The following OTOR variants were observed in gnomAD, a reference collection of about 807,000 sequenced individuals.
OTOR encodes otoraplin.
OTOR carries 20 observed loss-of-function variants against 15.9 expected under a neutral mutation model. That is an observed-to-expected ratio of 1.26 (90% confidence interval 0.89 to 1.83). OTOR has a LOEUF of 1.83. Among genes scored for constraint, OTOR ranks in the 40% most tolerant of loss-of-function variants. The probability of loss-of-function intolerance (pLI) is 0.00; values close to 1 mark genes in which losing one functional copy is unlikely to be tolerated. For synonymous variants in OTOR, 53 were observed against 54.2 expected (o/e 0.98, Z 0.09); for missense variants, 184 against 159.0 (o/e 1.16, Z -0.85).
Position 16,750,016 on chromosome 20 carries a change from C to A in OTOR, c.363+6C>A. Reference sequence around the variant, plus strand: ...CCAAGGAAGTTCCCACCACGGTAAGCATCTCAAAAGTGACTAGACAAGGAC... The same window carrying A: ...CCAAGGAAGTTCCCACCACGGTAAGAATCTCAAAAGTGACTAGACAAGGAC... On this transcript the variant is annotated splice_donor_region_variant and intron_variant, in intron 3 of 3. Transcript: ENST00000246081. The A allele has an allele frequency of 6.3e-7, 1 of 1,584,868 alleles. No homozygotes were observed. The highest frequency in any genetic ancestry group is 8.7e-7 in the Non-Finnish European group (1 of 1,154,040).
At chr20:16,749,856 C>A in intron 2 of OTOR, 47 bp from the exon 3 acceptor site, 1 of 1,263,306 alleles carries the variant, frequency 7.9e-7, no homozygotes, top group Non-Finnish European at 1.2e-6. Context: ...TCTCAGAAGA[C>A]ACTCAGCATC....
chr20:16,750,527 C>T (rs1413417451), intron 3 of OTOR, among the ~76,000 whole-genome samples: 1 of 151,810 alleles, frequency 6.6e-6, no homozygotes, highest in Non-Finnish European at 1.5e-5. Flanking sequence ...GTCTATGTAA[C>T]AAATAAAGAA....
In OTOR at chr20:16,751,547, C is replaced by G. The variant is rs985819636; in HGVS notation, c.*429C>G. On this transcript the variant is annotated 3_prime_UTR_variant, in exon 4 of 4. Coordinates refer to ENST00000246081, the MANE Select transcript of OTOR (RefSeq NM_020157.4). ...CATGATGTTTTCTACTCATTTGTCTCTCTGGCCAATTGAATTATTAATAAA... is the reference window on the plus strand; with the variant it reads ...CATGATGTTTTCTACTCATTTGTCTGTCTGGCCAATTGAATTATTAATAAA... 10 of 157,206 alleles carry G rather than the reference C, an allele frequency of 6.4e-5. No homozygotes were observed. The highest frequency in any genetic ancestry group is 1.3e-4 in the Non-Finnish European group (9 of 71,640). 9.7% of individuals were successfully genotyped at this position (157,206 alleles called of 1,614,324 possible).
At chr20:16,750,048 C>G (rs541665294) in intron 3 of OTOR, 38 bp downstream of exon 3, 90 of 1,361,376 alleles carry the variant, frequency 6.6e-5, no homozygotes, top group Non-Finnish European at 8.9e-5. Flanking sequence ...GGACTCAGAT[C>G]TTGGGGCAAT....
chr20:16,752,061 A>G lies in OTOR; in HGVS notation c.*943A>G, dbSNP rs2072531832. On this transcript the variant is annotated 3_prime_UTR_variant, in exon 4 of 4. Coordinates refer to ENST00000246081, the MANE Select transcript of OTOR (RefSeq NM_020157.4). ...TGGGCCCACAAGTTTTTCTATATTT[A>G]ACTGGAAATATGCTTTGATTTTGTG... is the stretch of plus-strand genomic sequence containing the variant. The G allele has an allele frequency of 6.6e-6, 1 of 152,188 alleles. No homozygotes were observed. The highest frequency in any genetic ancestry group is 2.4e-5 in the African/African-American group (1 of 41,456). The allele number at this position is 152,188 out of a possible 1,614,324, so 9.4% of individuals were successfully genotyped here. A position where few individuals can be genotyped will look rare whatever the true frequency, so the allele number is the denominator to read the frequency against.
chr20:16,749,142 G>T, intron 2 of OTOR, 136 bp downstream of exon 2: 2 of 502,462 alleles, frequency 4.0e-6, no homozygotes, highest in Non-Finnish European at 6.5e-6. Flanking sequence ...CAAAAATTCA[G>T]GTATATTTGC....
Position 16,748,366 on chromosome 20 carries a change from CCAGT to C in OTOR, c.-32_-29del, listed in dbSNP as rs765924867. On this transcript the variant is annotated 5_prime_UTR_variant, in exon 1 of 4. Coordinates refer to ENST00000246081, the MANE Select transcript of OTOR (RefSeq NM_020157.4). ...GAACCACTGAAGTCAGTCCCCGCTT[CCAGT>C]CAGAGTTCAAGTTAAAACAGAAAAA... The C allele has an allele frequency of 5.0e-6, 7 of 1,387,828 alleles. No individual in the cohort carries two copies. Among genetic ancestry groups the C allele is most frequent in the Non-Finnish European group, 7.2e-6 (7 of 974,022 alleles). 86.0% of individuals were successfully genotyped at this position (1,387,828 alleles called of 1,614,324 possible).
In OTOR at chr20:16,751,213, C is replaced by T. The variant is rs188955646; in HGVS notation, c.*95C>T. 20 of 856,010 alleles carry T rather than the reference C, an allele frequency of 2.3e-5. No homozygotes were observed. Among genetic ancestry groups the T allele is most frequent in the Non-Finnish European group, 2.9e-5 (16 of 551,598 alleles). 53.0% of individuals were successfully genotyped at this position (856,010 alleles called of 1,614,324 possible). A position where few individuals can be genotyped will look rare whatever the true frequency, so the allele number is the denominator to read the frequency against. On this transcript the variant is annotated 3_prime_UTR_variant, in exon 4 of 4. Coordinates refer to ENST00000246081, the MANE Select transcript of OTOR (RefSeq NM_020157.4). ...ATGCATGTCTGTAATTTTGGACTGA[C>T]GTTTTAAGAATTTGTTACCTTACAG...
chr20:16,749,222 T>TA lies in OTOR; in HGVS notation c.255+223dup, dbSNP rs201060482. ...AATGTAGGTTAATGTGATATTTTGG[T>TA]AAAAAAAGAGTCAAATACATGGGGG... On this transcript the variant is annotated intron_variant, in intron 2 of 3. Coordinates refer to ENST00000246081, the MANE Select transcript of OTOR (RefSeq NM_020157.4). 1,371 of 379,136 alleles carry TA rather than the reference T, an allele frequency of 3.6e-3. 23 individuals carry two copies. The highest frequency in any genetic ancestry group is 0.031 in the Admixed American group (689 of 22,224). 23.5% of individuals were successfully genotyped at this position (379,136 alleles called of 1,614,324 possible).
At chr20:16,750,328 A>T (rs1333295089) in intron 3 of OTOR, among the ~76,000 whole-genome samples, 1 of 152,172 alleles carries the variant, frequency 6.6e-6, no homozygotes, top group African/African-American at 2.4e-5. Context: ...TGCATACATT[A>T]TGTTTTGATA....
At chr20:16,750,850 A>G (rs765443526) in intron 3 of OTOR, among the ~76,000 whole-genome samples, 12 of 152,232 alleles carry the variant, frequency 7.9e-5, no homozygotes, top group East Asian at 1.9e-4. Context: ...CTCACTTGTC[A>G]TCACTTCTTA....
At chr20:16,748,845 A>G (rs756716340) in intron 1 of OTOR, 22 bp from the exon 2 acceptor site, 7 of 1,546,966 alleles carry the variant, frequency 4.5e-6, no homozygotes, top group South Asian at 3.7e-5. Context: ...AAATGTAATC[A>G]TTTAAATTTT....
chr20:16,750,162 A>C lies in OTOR; in HGVS notation c.363+152A>C, dbSNP rs114253624. ...CTGAGATAATGAGGTTTGGGGGACC[A>C]TTTATAACTACTGTCAAAGTTGAAA... On this transcript the variant is annotated intron_variant, in intron 3 of 3. Transcript: ENST00000246081. 4.1e-4 allele frequency: 220 copies of C among 531,072 alleles called. 1 individual carries two copies. The highest frequency in any genetic ancestry group is 3.9e-3 in the African/African-American group (202 of 51,696). 32.9% of individuals were successfully genotyped at this position (531,072 alleles called of 1,614,324 possible).
chr20:16,750,964 T>TG, intron 3 of OTOR, 131 bp from the exon 4 acceptor site: 1 of 688,152 alleles, frequency 1.5e-6, no homozygotes, highest in East Asian at 3.0e-5. Flanking sequence ...TCATATTTTT[T>TG]GGGGGTCAAC....
At chr20:16,750,865 T>C (rs1348455741) in intron 3 of OTOR, among the ~76,000 whole-genome samples, 1 of 152,240 alleles carries the variant, frequency 6.6e-6, no homozygotes, top group Non-Finnish European at 1.5e-5. Flanking sequence ...TTCTTAGCAT[T>C]ATGCTGAAAT....
chr20:16,748,805 C>G, intron 1 of OTOR, 62 bp from the exon 2 acceptor site: 5 of 1,274,618 alleles, frequency 3.9e-6, no homozygotes, highest in Non-Finnish European at 5.4e-6. Context: ...ATATACATTG[C>G]CTTTTACTGT....
chr20:16,749,809 T>A lies in OTOR; in HGVS notation c.256-94T>A, dbSNP rs371310757. The stretch of plus-strand genomic sequence containing the variant: ...AGTGAAAGGGAGGTATTGGCAGCTA[T>A]GATTCTCACTATCAGCAAAGAGGAC... On this transcript the variant is annotated intron_variant, in intron 2 of 3. Transcript: ENST00000246081. 7.3e-4 allele frequency: 609 copies of A among 831,242 alleles called. 11 individuals carry two copies. The South Asian group carries it at 8.8e-3, about 12-fold the overall frequency. The allele number at this position is 831,242 out of a possible 1,614,324, so 51.5% of individuals were successfully genotyped here. A position where few individuals can be genotyped will look rare whatever the true frequency, so the allele number is the denominator to read the frequency against.
intron 3 of OTOR, 46 bp downstream of exon 3, chr20:16,750,056 A>G (rs1367076206): frequency 7.9e-7 from 1 of 1,267,766 alleles, no homozygotes. Context: ...ATCTTGGGGC[A>G]ATGTAGGCCG....
chr20:16,749,002 G>C lies in OTOR; in HGVS notation c.251G>C (p.Gly84Ala), dbSNP rs779741855. ...KENGAGEFWAGSVYGDGQDEM... is the reference protein window; with the variant it reads ...KENGAGEFWAASVYGDGQDEM... ...AATGGAGCTGGAGAATTTTGGGCTG[G>C]CAGTGTAAGATAATTTAAACACCTA... Residue 84 changes from glycine to alanine, a missense_variant, in exon 2 of 4, where the codon GGC becomes GCC. Coordinates refer to ENST00000246081, the MANE Select transcript of OTOR (RefSeq NM_020157.4). The C allele has an allele frequency of 5.9e-6, 9 of 1,536,764 alleles. No individual in the cohort carries two copies. Among genetic ancestry groups the C allele is most frequent in the Non-Finnish European group, 7.8e-6 (9 of 1,150,420 alleles).
Sources: allele counts gnomAD v4.1 joint callset (sites outside exome capture counted in the v4.1 genomes callset), GRCh38; gene constraint gnomAD v4.1.1; transcripts MANE v1.5; gene names NCBI Gene and HGNC (gene_info 2026-07-23, HGNC 2026-07-21).